ASCC3: variants seen among roughly 807,000 people sequenced by gnomAD.
ASCC3 encodes activating signal cointegrator 1 complex subunit 3, also known as ASC-1 complex subunit P200.
In ASCC3, 158 loss-of-function variants were observed where a neutral mutation model predicts 256.3. The observed-to-expected ratio is 0.62, with a 90% CI of 0.54 to 0.70. The LOEUF is 0.70. ASCC3 is among the 30% of genes least tolerant of loss of function. ASCC3 has a pLI of 0.00. For missense variants in ASCC3, 2,259 were observed against 2,626.0 expected, an observed-to-expected ratio of 0.86 and a Z score of 3.05; for synonymous variants, 948 against 883.4, an observed-to-expected ratio of 1.07 and a Z score of -1.30.
chr6:100,526,424 A>C (rs937961302), intron 37 of ASCC3, among the ~76,000 whole-genome samples: 3 of 152,184 alleles, frequency 2.0e-5, no homozygotes, highest in African/African-American at 7.2e-5. Context: ...TCATATCATC[A>C]ACAAACCACC....
chr6:100,871,592 C>A (rs1372499159), intron 1 of ASCC3, among the ~76,000 whole-genome samples: 2 of 151,982 alleles, frequency 1.3e-5, no homozygotes, highest in Admixed American at 1.3e-4. Context: ...CACAGTGAGA[C>A]CCCCAACTCT....
At chr6:100,609,799 T>C (rs1424567556) in intron 30 of ASCC3, among the ~76,000 whole-genome samples, 1 of 152,016 alleles carries the variant, frequency 6.6e-6, no homozygotes, top group African/African-American at 2.4e-5. Context: ...TAACCCCAGC[T>C]ACTCAGGAGG....
chr6:100,625,431 T>A, intron 29 of ASCC3, 97 bp from the exon 30 acceptor site: 1 of 1,403,542 alleles, frequency 7.1e-7, no homozygotes, highest in Non-Finnish European at 1.0e-6. Flanking sequence ...ACTAATGATG[T>A]AAACAATTTA....
chr6:100,686,967 G>C (rs1314091752), intron 13 of ASCC3, among the ~76,000 whole-genome samples: 2 of 144,150 alleles, frequency 1.4e-5, no homozygotes, highest in East Asian at 2.0e-4. Context: ...TTTTACTTTT[G>C]GTATCTCTTC....
intron 4 of ASCC3, among the ~76,000 whole-genome samples, chr6:100,829,330 C>T (rs893530122): frequency 6.6e-6 from 1 of 151,988 alleles, no homozygotes; most frequent in Non-Finnish European, 1.5e-5. Flanking sequence ...CATGGAGTGG[C>T]GGGGAGGCTC....
At chr6:100,638,924 A>G in intron 24 of ASCC3, 103 bp from the exon 25 acceptor site, 4 of 1,026,036 alleles carry the variant, frequency 3.9e-6, no homozygotes, top group Non-Finnish European at 5.9e-6. Context: ...AGTTCCTTAG[A>G]CAAGGAGAAA....
chr6:100,786,091 T>TG (rs901495283), intron 8 of ASCC3, among the ~76,000 whole-genome samples: 36 of 152,158 alleles, frequency 2.4e-4, no homozygotes, highest in African/African-American at 4.6e-4. Context: ...AAGTTCTCAA[T>TG]GGGGGATTTT....
intron 1 of ASCC3, 143 bp from the exon 2 acceptor site, chr6:100,868,181 T>C: frequency 1.6e-6 from 1 of 606,644 alleles, no homozygotes. Flanking sequence ...TCTCCTGACA[T>C]ATTTTCTATC....
intron 14 of ASCC3, among the ~76,000 whole-genome samples, chr6:100,676,047 G>C (rs2114957909): frequency 6.6e-6 from 1 of 152,034 alleles, no homozygotes; most frequent in East Asian, 1.9e-4. Flanking sequence ...TATTCCTTGA[G>C]GTATGTTCTA....
intron 13 of ASCC3, among the ~76,000 whole-genome samples, chr6:100,701,421 T>C (rs1778345954): frequency 6.6e-6 from 1 of 152,150 alleles, no homozygotes; most frequent in Admixed American, 6.5e-5. Context: ...CCTTTTGCCA[T>C]GATTGTGAGG....
chr6:100,731,254 C>T (rs1302167354), intron 10 of ASCC3, among the ~76,000 whole-genome samples: 2 of 152,116 alleles, frequency 1.3e-5, no homozygotes, highest in Non-Finnish European at 2.9e-5. Context: ...TGTGTGTTTA[C>T]ATCTGAAACA....
intron 18 of ASCC3, among the ~76,000 whole-genome samples, chr6:100,652,072 T>C (rs1169559392): frequency 2.6e-5 from 4 of 151,948 alleles, no homozygotes; most frequent in African/African-American, 4.8e-5. Context: ...TCTCAAAATA[T>C]TACTAGTGAG....
At chr6:100,526,711 C>T (rs991173235) in intron 37 of ASCC3, among the ~76,000 whole-genome samples, 1 of 152,130 alleles carries the variant, frequency 6.6e-6, no homozygotes, top group Admixed American at 6.5e-5. Flanking sequence ...TTCTGCACCA[C>T]TGTGTGGTCC....
intron 37 of ASCC3, among the ~76,000 whole-genome samples, chr6:100,536,262 T>C (rs1262156035): frequency 1.3e-5 from 2 of 152,056 alleles, no homozygotes; most frequent in African/African-American, 4.8e-5. Context: ...GAGTTATTAA[T>C]AAAAAAGGAG....
chr6:100,607,714 G>T (rs1772974548), intron 30 of ASCC3, among the ~76,000 whole-genome samples: 1 of 151,376 alleles, frequency 6.6e-6, no homozygotes, highest in African/African-American at 2.4e-5. Context: ...AATGATAAAA[G>T]GATACATATA....
At chr6:100,522,250 C>A (rs1774351823) in intron 37 of ASCC3, among the ~76,000 whole-genome samples, 1 of 152,048 alleles carries the variant, frequency 6.6e-6, no homozygotes, top group African/African-American at 2.4e-5. Flanking sequence ...AAGTTGGAAT[C>A]AATTTCAGTG....
intron 36 of ASCC3, among the ~76,000 whole-genome samples, chr6:100,571,654 T>G (rs1488380076): frequency 6.6e-6 from 1 of 152,182 alleles, no homozygotes; most frequent in Non-Finnish European, 1.5e-5. Flanking sequence ...AATAACCTCA[T>G]GAGGAAACTG....
At chr6:100,804,639 G>C (rs1389361885) in intron 5 of ASCC3, among the ~76,000 whole-genome samples, 1 of 151,906 alleles carries the variant, frequency 6.6e-6, no homozygotes, top group Non-Finnish European at 1.5e-5. Flanking sequence ...AGACATACAA[G>C]CAGCCAACAA....
At chr6:100,566,965 T>C (rs1483328815) in intron 36 of ASCC3, among the ~76,000 whole-genome samples, 2 of 152,136 alleles carry the variant, frequency 1.3e-5, no homozygotes, top group African/African-American at 2.4e-5. Flanking sequence ...ATCTTATTAA[T>C]TGAAAGAATA....
Sources: allele counts gnomAD v4.1 joint callset (sites outside exome capture counted in the v4.1 genomes callset), GRCh38; gene constraint gnomAD v4.1.1; transcripts MANE v1.5; gene names NCBI Gene and HGNC (gene_info 2026-07-23, HGNC 2026-07-21).